The following PI4KA variants were observed in gnomAD, a reference collection of about 807,000 sequenced individuals.
PI4KA encodes the protein PI4-kinase alpha.
In PI4KA, 122 loss-of-function variants were observed where a neutral mutation model predicts 271.4. The observed-to-expected ratio is 0.45, with a 90% CI of 0.39 to 0.52. The LOEUF (loss-of-function observed/expected upper bound fraction) is 0.52, where lower values mean the gene tolerates loss of function less well. Ranked by LOEUF, PI4KA falls within the 20% of genes least tolerant of loss-of-function variation. PI4KA has a pLI of 0.00. For missense variants in PI4KA, 1,969 were observed against 2,769.1 expected, an observed-to-expected ratio of 0.71 and a Z score of 6.48; for synonymous variants, 1,041 against 1,078.8, an observed-to-expected ratio of 0.96 and a Z score of 0.69.
chr22:20,814,380 AAG>A (rs1157739775), intron 7 of PI4KA, among the ~76,000 whole-genome samples: 5 of 152,318 alleles, frequency 3.3e-5, no homozygotes, highest in African/African-American at 9.6e-5. Context: ...ACGAGATGAA[AAG>A]AGTTTTTGAG....
In PI4KA at chr22:20,726,664, A is replaced by G. The variant is rs920287039; in HGVS notation, c.4942-123T>C. 10 of 813,096 alleles carry G rather than the reference A, an allele frequency of 1.2e-5. No individual in the cohort carries two copies. The African/African-American group carries it at 1.7e-4, about 13-fold the overall frequency. 50.4% of individuals were successfully genotyped at this position (813,096 alleles called of 1,614,324 possible). On this transcript the variant is annotated intron_variant, in intron 41 of 54. Coordinates refer to ENST00000255882, the MANE Select transcript of PI4KA (RefSeq NM_058004.4). ...GGGCTGAGAACTGGGGAAAGCCCAG[A>G]GGATGGCAGGCAAAATGACCGATGG... is the stretch of plus-strand genomic sequence containing the variant.
chr22:20,707,927 C>T lies in PI4KA; in HGVS notation c.*120G>A, dbSNP rs1568938904. On this transcript the variant is annotated 3_prime_UTR_variant, in exon 55 of 55. Coordinates refer to ENST00000255882, the MANE Select transcript of PI4KA (RefSeq NM_058004.4). ...CTGCCCCAGGAGGCGCTACCAGGTTCTTTGGGCCACAGGCCTCTCCTCCAC... is the reference window on the plus strand; with the variant it reads ...CTGCCCCAGGAGGCGCTACCAGGTTTTTTGGGCCACAGGCCTCTCCTCCAC... The T allele has an allele frequency of 1.1e-6, 1 of 926,752 alleles. No homozygotes were observed. The highest frequency in any genetic ancestry group is 2.4e-5 in the East Asian group (1 of 41,788). 57.4% of individuals were successfully genotyped at this position (926,752 alleles called of 1,614,324 possible).
rs113882528 is a variant in PI4KA, at chr22:20,729,323, G to A, written c.4672C>T (p.Leu1558=). The change falls in exon 39 of 55, where the codon CTG becomes TTG. Residue 1558 remains leucine (L), a synonymous_variant. Transcript: ENST00000255882. The stretch of plus-strand genomic sequence containing the variant: ...TGCCCGGGGGCCCACCTGGCAGGCA[G>A]CTGCACGGCTAGGTAGGGAGAGATG... ...WSISPYLAVQ[L]PARFKNTEAI... is the part of the protein sequence containing the mutation. The A allele has an allele frequency of 3.3e-4, 540 of 1,613,218 alleles. No homozygotes were observed. The African/African-American group carries it at 6.0e-3, about 18-fold the overall frequency.
rs4820583 is a variant in PI4KA, at chr22:20,727,676, C to T, written c.4773+98G>A. 850,945 of 883,704 alleles carry T rather than the reference C, an allele frequency of 0.96. 410,612 individuals carry two copies. Among genetic ancestry groups the T allele is most frequent in the East Asian group, 1 (40,707 of 40,710 alleles). The allele number at this position is 883,704 out of a possible 1,614,324, so 54.7% of individuals were successfully genotyped here. A position where few individuals can be genotyped will look rare whatever the true frequency, so the allele number is the denominator to read the frequency against. ...CATGAATAGCACTGAAGTTGCCAAG[C>T]GGCTGTTTTTGTCTCATTTCTAGTT... On this transcript the variant is annotated intron_variant, in intron 40 of 54. Coordinates refer to ENST00000255882, the MANE Select transcript of PI4KA (RefSeq NM_058004.4).
intron 23 of PI4KA, among the ~76,000 whole-genome samples, chr22:20,755,709 T>C (rs1044292042): frequency 1.3e-5 from 2 of 150,594 alleles, no homozygotes; most frequent in Non-Finnish European, 3.0e-5. Context: ...GGCTGGGGCA[T>C]GAGAATCACT....
chr22:20,747,527 G>A, intron 29 of PI4KA, 56 bp downstream of exon 29: 2 of 1,591,174 alleles, frequency 1.3e-6, no homozygotes, highest in Non-Finnish European at 1.7e-6. Flanking sequence ...GCCTTCCCCT[G>A]CACTGTGGCT....
intron 1 of PI4KA, among the ~76,000 whole-genome samples, chr22:20,851,583 C>T (rs1926985984): frequency 6.6e-6 from 1 of 152,172 alleles, no homozygotes; most frequent in Non-Finnish European, 1.5e-5. Flanking sequence ...GGTGATGTGC[C>T]TGCCTCAGCC....
intron 43 of PI4KA, among the ~76,000 whole-genome samples, 184 bp downstream of exon 43, chr22:20,721,114 T>C (rs901534011): frequency 1.3e-5 from 2 of 152,024 alleles, no homozygotes; most frequent in African/African-American, 4.8e-5. Flanking sequence ...AGCAAAGGTG[T>C]CATGAAGGAG....
intron 25 of PI4KA, among the ~76,000 whole-genome samples, chr22:20,751,997 C>T (rs1227868023): frequency 6.6e-6 from 1 of 152,214 alleles, no homozygotes; most frequent in East Asian, 1.9e-4. Flanking sequence ...CCAGACAAAC[C>T]TGACACCAAC....
At chr22:20,783,150 T>A (rs1010470073) in intron 19 of PI4KA, among the ~76,000 whole-genome samples, 1 of 152,188 alleles carries the variant, frequency 6.6e-6, no homozygotes, top group Non-Finnish European at 1.5e-5. Context: ...TACTATTAGT[T>A]ACTCACATCT....
chr22:20,804,816 G>T (rs1314527018), intron 11 of PI4KA, among the ~76,000 whole-genome samples, 158 bp downstream of exon 11: 1 of 152,248 alleles, frequency 6.6e-6, no homozygotes, highest in African/African-American at 2.4e-5. Context: ...CACAGCAGGG[G>T]CTAATGCTCC....
At chr22:20,817,511 G>A (rs1351042915) in intron 7 of PI4KA, among the ~76,000 whole-genome samples, 21 of 151,638 alleles carry the variant, frequency 1.4e-4, no homozygotes, top group Admixed American at 1.3e-3. Flanking sequence ...CAAGGCAGGC[G>A]TTCCCTTGAG....
intron 16 of PI4KA, 73 bp downstream of exon 16, chr22:20,799,019 GT>G: frequency 8.2e-7 from 1 of 1,223,482 alleles, no homozygotes; most frequent in Non-Finnish European, 1.2e-6. Flanking sequence ...ATCTGTATTT[GT>G]ACATCCCTTA....
In PI4KA at chr22:20,763,026, G is replaced by GGGGGC. The variant is rs1555888583; in HGVS notation, c.2709-1641_2709-1640insGCCCC. ...TTTTTGCTTTTTTTTTTGGGGGGGG[G>GGGGGC]GGGGGTTAGAGACAAGTTCTTGCTC... On this transcript the variant is annotated intron_variant, in intron 22 of 54. Coordinates refer to ENST00000255882, the MANE Select transcript of PI4KA (RefSeq NM_058004.4). Among the ~76,000 whole-genome samples, 6 of 68,508 alleles carry GGGGGC rather than the reference G, an allele frequency of 8.8e-5. 1 individual carries two copies. The highest frequency in any genetic ancestry group is 5.4e-4 in the African/African-American group (6 of 11,062). The allele number at this position is 68,508 out of a possible 152,430, so 44.9% of individuals were successfully genotyped here. A position where few individuals can be genotyped will look rare whatever the true frequency, so the allele number is the denominator to read the frequency against.
intron 36 of PI4KA, among the ~76,000 whole-genome samples, chr22:20,731,656 A>G (rs1928066636): frequency 6.6e-6 from 1 of 152,192 alleles, no homozygotes; most frequent in Non-Finnish European, 1.5e-5. Flanking sequence ...TTGGCCGGGC[A>G]CGGTGGCTCA....
chr22:20,748,348 G>A (rs982331059), intron 28 of PI4KA, among the ~76,000 whole-genome samples: 2 of 152,248 alleles, frequency 1.3e-5, no homozygotes, highest in Admixed American at 1.3e-4. Context: ...TTGGCCTTGC[G>A]GTCAACAGGC....
intron 1 of PI4KA, among the ~76,000 whole-genome samples, chr22:20,849,108 C>T (rs560443027): frequency 6.6e-6 from 1 of 152,278 alleles, no homozygotes; most frequent in South Asian, 2.1e-4. Flanking sequence ...ACATCATTAA[C>T]CATCAGGCAA....
chr22:20,796,424 C>T, intron 17 of PI4KA, 110 bp from the exon 18 acceptor site: 1 of 884,616 alleles, frequency 1.1e-6, no homozygotes, highest in Non-Finnish European at 1.8e-6. Flanking sequence ...GCCTGCCTTA[C>T]CACACTCCTC....
In PI4KA at chr22:20,724,597, C is replaced by T. The variant is rs117928404; in HGVS notation, c.4995+1891G>A. Reference sequence around the variant, plus strand: ...CTGCAGCCTGGGCAACAGAGCGAGACTCTGTCTAAAACAAAACAAAACGAA... The same window carrying T: ...CTGCAGCCTGGGCAACAGAGCGAGATTCTGTCTAAAACAAAACAAAACGAA... On this transcript the variant is annotated intron_variant, in intron 42 of 54. Coordinates refer to ENST00000255882, the MANE Select transcript of PI4KA (RefSeq NM_058004.4). Among the ~76,000 whole-genome samples, 342 of 152,236 alleles carry T rather than the reference C, an allele frequency of 2.2e-3. 1 individual carries two copies. The highest frequency in any genetic ancestry group is 3.3e-3 in the Non-Finnish European group (225 of 67,988).
Sources: gnomAD v4.1 joint callset for allele counts (sites outside exome capture counted in the v4.1 genomes callset) on GRCh38, gnomAD v4.1.1 for gene constraint, MANE v1.5 for transcripts, NCBI Gene and HGNC (gene_info 2026-07-23, HGNC 2026-07-21) for gene names.